LCOR: variants seen among roughly 807,000 people sequenced by gnomAD.
LCOR encodes ligand dependent nuclear receptor corepressor.
In LCOR, 14 loss-of-function variants were observed where a neutral mutation model predicts 64.4. The observed-to-expected ratio is 0.22, with a 90% CI of 0.14 to 0.34. LCOR has a LOEUF of 0.34. LCOR is among the 10% of genes least tolerant of loss of function. The pLI is 1.00. For synonymous variants in LCOR, 643 were observed against 642.5 expected (o/e 1.00, Z -0.01); for missense variants, 1,686 against 1,765.3 (o/e 0.96, Z 0.80).
rs146845734 is a variant in LCOR, at chr10:96,868,205, A to T, written c.-330+34726A>T. Among the ~76,000 whole-genome samples the T allele has an allele frequency of 4.2e-3, 630 of 151,144 alleles. 3 individuals are homozygous for T. The highest frequency in any genetic ancestry group is 7.1e-3 in the Non-Finnish European group (483 of 67,848). ...GGCCGAATATATCAATTTAATGGGGATGGATGTCCTAATAATATTGAGTTT... is the reference window on the plus strand; with the variant it reads ...GGCCGAATATATCAATTTAATGGGGTTGGATGTCCTAATAATATTGAGTTT... On this transcript the variant is annotated intron_variant, in intron 2 of 7. Coordinates refer to ENST00000421806, the MANE Select transcript of LCOR (RefSeq NM_001346516.2).
intron 4 of LCOR, among the ~76,000 whole-genome samples, chr10:96,921,753 G>A (rs529676837): frequency 1.3e-5 from 2 of 152,260 alleles, no homozygotes; most frequent in South Asian, 2.1e-4. Flanking sequence ...TGTAAGCCAC[G>A]GCCCCCAGCC....
Position 96,949,025 on chromosome 10 carries a change from G to T in LCOR, c.-33G>T. 6.2e-7 allele frequency: 1 copy of T among 1,611,448 alleles called. No homozygotes were observed. The highest frequency in any genetic ancestry group is 1.1e-5 in the South Asian group (1 of 90,922). On this transcript the variant is annotated 5_prime_UTR_variant, in exon 6 of 8. Transcript: ENST00000421806. ...ATTTACAGACAGTCCCTGGGTCTCC[G>T]ACCCCAATATTCCCCTAGTGGCCCG...
intron 2 of LCOR, among the ~76,000 whole-genome samples, chr10:96,890,462 T>G (rs1846421033): frequency 6.6e-6 from 1 of 152,244 alleles, no homozygotes; most frequent in Admixed American, 6.5e-5. Flanking sequence ...GGTGGTGTTT[T>G]GAAAGATTCT....
At chr10:96,939,363 T>C (rs1847407714) in intron 4 of LCOR, among the ~76,000 whole-genome samples, 1 of 152,212 alleles carries the variant, frequency 6.6e-6, no homozygotes, top group Non-Finnish European at 1.5e-5. Flanking sequence ...TGACATGTAT[T>C]ATAGACCTAA....
chr10:96,890,088 C>T (rs917968075), intron 2 of LCOR, among the ~76,000 whole-genome samples: 1 of 151,846 alleles, frequency 6.6e-6, no homozygotes, highest in African/African-American at 2.4e-5. Context: ...TCTTTGTATG[C>T]GTGTAGTTTT....
At chr10:96,849,549 C>T (rs771725523) in intron 2 of LCOR, among the ~76,000 whole-genome samples, 24 of 152,118 alleles carry the variant, frequency 1.6e-4, no homozygotes, top group Non-Finnish European at 2.6e-4. Context: ...AAATTTGAAA[C>T]GCTCCAAAAT....
At chr10:96,896,624 A>G (rs1202218118) in intron 2 of LCOR, among the ~76,000 whole-genome samples, 1 of 152,068 alleles carries the variant, frequency 6.6e-6, no homozygotes, top group African/African-American at 2.4e-5. Context: ...GGGTTTTACC[A>G]TGTTGGCCAG....
intron 7 of LCOR, among the ~76,000 whole-genome samples, chr10:96,965,511 A>C (rs1214611767): frequency 1.3e-5 from 2 of 150,720 alleles, no homozygotes; most frequent in Non-Finnish European, 3.0e-5. Flanking sequence ...AAATACAAAA[A>C]ATTAGCCGGG....
At chr10:96,839,711 A>G (rs556331707) in intron 2 of LCOR, among the ~76,000 whole-genome samples, 2 of 152,074 alleles carry the variant, frequency 1.3e-5, no homozygotes, top group South Asian at 2.1e-4. Context: ...TTTGAGACGA[A>G]GTCTGGCTCT....
At chr10:96,888,361 C>A (rs1846380338) in intron 2 of LCOR, among the ~76,000 whole-genome samples, 1 of 19,752 alleles carries the variant, frequency 5.1e-5, no homozygotes, top group Non-Finnish European at 9.8e-5. Context: ...AAGACTCCGT[C>A]TCAAAAAAAA....
chr10:96,871,362 T>C (rs1035211404), intron 2 of LCOR, among the ~76,000 whole-genome samples: 1 of 152,006 alleles, frequency 6.6e-6, no homozygotes, highest in Non-Finnish European at 1.5e-5. Flanking sequence ...AGGCTCAATT[T>C]TTTTTTTTCC....
At chr10:96,934,097 T>G (rs1421943922) in intron 4 of LCOR, among the ~76,000 whole-genome samples, 1 of 152,228 alleles carries the variant, frequency 6.6e-6, no homozygotes, top group Non-Finnish European at 1.5e-5. Context: ...CAACAACTCT[T>G]ATTTAATGTA....
intron 2 of LCOR, among the ~76,000 whole-genome samples, chr10:96,889,279 G>T (rs1041205839): frequency 6.6e-6 from 1 of 152,020 alleles, no homozygotes; most frequent in Non-Finnish European, 1.5e-5. Flanking sequence ...GCATATTTTT[G>T]AAGTTCATCC....
chr10:96,833,105 C>G (rs1845374903), intron 1 of LCOR: 2 of 985,598 alleles, frequency 2.0e-6, no homozygotes, highest in Admixed American at 6.2e-5. Flanking sequence ...AGTTAATCCT[C>G]GACGCACGGG....
intron 7 of LCOR, among the ~76,000 whole-genome samples, chr10:96,975,885 G>GC: frequency 6.6e-6 from 1 of 151,882 alleles, no homozygotes; most frequent in African/African-American, 2.4e-5. Flanking sequence ...CGTGGTGGTG[G>GC]GCGCCTGTAA....
At chr10:96,942,886 TA>T (rs1164963255) in intron 4 of LCOR, among the ~76,000 whole-genome samples, 1 of 152,208 alleles carries the variant, frequency 6.6e-6, no homozygotes, top group Admixed American at 6.5e-5. Context: ...TCAAATAAAT[TA>T]TATGCACTAG....
chr10:96,953,287 C>T (rs1847713299), intron 7 of LCOR, among the ~76,000 whole-genome samples: 2 of 151,924 alleles, frequency 1.3e-5, no homozygotes, highest in South Asian at 4.2e-4. Context: ...CGTGGTGGCT[C>T]AGGCCTGTAA....
Position 96,995,044 on chromosome 10 carries a change from A to C in LCOR, c.*9910A>C, listed in dbSNP as rs1848231404. ...GGGCCATAGGAGGCCCATGCAATTT[A>C]ACTGAAGCTCAGGTGCCACGTTGGA... On this transcript the variant is annotated 3_prime_UTR_variant, in exon 8 of 8. Transcript: ENST00000421806. The surrounding 1 kb of genome is among the most constrained non-coding windows in gnomAD (Gnocchi z 4.2). 1 of 152,270 alleles carries C rather than the reference A, an allele frequency of 6.6e-6. No homozygotes were observed. The highest frequency in any genetic ancestry group is 1.5e-5 in the Non-Finnish European group (1 of 68,058). The allele number at this position is 152,270 out of a possible 1,614,324, so 9.4% of individuals were successfully genotyped here. A position where few individuals can be genotyped will look rare whatever the true frequency, so the allele number is the denominator to read the frequency against.
intron 2 of LCOR, among the ~76,000 whole-genome samples, chr10:96,890,798 T>C (rs974534071): frequency 6.6e-6 from 1 of 152,244 alleles, no homozygotes; most frequent in Non-Finnish European, 1.5e-5. Flanking sequence ...TCAACTGAGA[T>C]GATCAGGTTT....
Sources: allele counts gnomAD v4.1 joint callset (sites outside exome capture counted in the v4.1 genomes callset), GRCh38; gene constraint gnomAD v4.1.1; non-coding constraint Gnocchi (gnomAD v3.1); transcripts MANE v1.5; gene names NCBI Gene and HGNC (gene_info 2026-07-23, HGNC 2026-07-21).